FANCA: variants seen among roughly 807,000 people sequenced by gnomAD.
FANCA encodes the protein Fanconi anemia group A protein.
A neutral mutation model predicts 194.3 loss-of-function variants in FANCA; 236 were observed. The observed-to-expected ratio is 1.21, with a 90% CI of 1.09 to 1.35. The LOEUF is 1.35. Among genes scored for constraint, FANCA ranks in the 40% most tolerant of loss-of-function variants. FANCA has a pLI of 0.00. For missense variants in FANCA, 2,628 were observed against 1,813.9 expected, an observed-to-expected ratio of 1.45 and a Z score of -8.15; for synonymous variants, 1,014 against 715.8, an observed-to-expected ratio of 1.42 and a Z score of -6.65.
intron 38 of FANCA, 46 bp from the exon 39 acceptor site, chr16:89,740,145 T>TC: frequency 6.7e-7 from 1 of 1,485,542 alleles, no homozygotes; most frequent in South Asian, 1.1e-5. Context: ...GACCTGGTGC[T>TC]CCCATGGGTA....
intron 14 of FANCA, chr16:89,791,189 TC>T (rs1939961799): frequency 7.9e-6 from 5 of 636,684 alleles, no homozygotes; most frequent in Non-Finnish European, 1.4e-5. Context: ...CCCAGGCTCC[TC>T]GGAACATGCA....
intron 26 of FANCA, among the ~76,000 whole-genome samples, chr16:89,767,741 G>A (rs1426477655): frequency 1.3e-5 from 2 of 152,126 alleles, no homozygotes; most frequent in East Asian, 3.8e-4. Flanking sequence ...GTAGAGATGG[G>A]GTTTCACCGT....
chr16:89,796,313 T>C (rs1467453906), intron 10 of FANCA, among the ~76,000 whole-genome samples: 1 of 151,160 alleles, frequency 6.6e-6, no homozygotes, highest in African/African-American at 2.4e-5. Flanking sequence ...AGGAAACAGG[T>C]TGGGAAGGGC....
intron 13 of FANCA, 63 bp downstream of exon 13, chr16:89,791,864 C>A: frequency 6.2e-7 from 1 of 1,607,142 alleles, no homozygotes; most frequent in South Asian, 1.1e-5. Context: ...TCAGCTGGGA[C>A]TCTGCTGACA....
rs1402509092 is a variant in FANCA, at chr16:89,753,380, T to G, written c.2982-1158A>C. ...CCAGCTGCCTTTTCTCTTATCTCTGTCTTGTGTCTTTATTTCTACACTCTC... is the reference window on the plus strand; with the variant it reads ...CCAGCTGCCTTTTCTCTTATCTCTGGCTTGTGTCTTTATTTCTACACTCTC... On this transcript the variant is annotated intron_variant, in intron 30 of 42. Coordinates refer to ENST00000389301, the MANE Select transcript of FANCA (RefSeq NM_000135.4). Among the ~76,000 whole-genome samples the G allele has an allele frequency of 4.6e-5, 7 of 152,318 alleles. No homozygotes were observed. In the East Asian group the frequency reaches 1.4e-3, roughly 29 times the overall value.
chr16:89,792,213 C>A, intron 12 of FANCA, 145 bp from the exon 13 acceptor site: 1 of 1,024,904 alleles, frequency 9.8e-7, no homozygotes, highest in South Asian at 1.3e-5. Flanking sequence ...ACAGCTCACA[C>A]CGTGGCGTCT....
At position 89,767,191 on chromosome 16, in the gene FANCA, G is replaced by C. The variant is rs1406289451; in HGVS notation, c.2551C>G (p.Gln851Glu). 1.4e-5 allele frequency: 23 copies of C among 1,613,786 alleles called. No individual in the cohort carries two copies. The highest frequency in any genetic ancestry group is 1.9e-5 in the Non-Finnish European group (23 of 1,179,818). Residue 851 changes from glutamine to glutamate, a missense_variant, in exon 27 of 43, where the codon CAG (glutamine) becomes GAG (glutamate). Physicochemically the swap from Gln to Glu is conservative, Grantham distance 29. Coordinates refer to ENST00000389301, the MANE Select transcript of FANCA (RefSeq NM_000135.4). ...CAGCTGCACAAAGTATCTCGTGACT[G>C]GGAAGAAAACTTGCAGAGAGAGTAA... ...ISYSLCKFSS[Q>E]SRDTLCSCLS... is the part of the protein sequence containing the mutation.
At chr16:89,788,446 C>CAA (rs1435441904) in intron 14 of FANCA, among the ~76,000 whole-genome samples, 2 of 151,910 alleles carry the variant, frequency 1.3e-5, no homozygotes, top group Non-Finnish European at 2.9e-5. Flanking sequence ...AAAAACAAAA[C>CAA]AAAACATAAC....
intron 17 of FANCA, among the ~76,000 whole-genome samples, chr16:89,781,399 C>T (rs1202072473): frequency 7.0e-6 from 1 of 142,684 alleles, no homozygotes; most frequent in African/African-American, 2.6e-5. Context: ...ATACGCTGGG[C>T]ACAGTGGCTC....
chr16:89,773,859 G>A (rs901354335), intron 21 of FANCA, among the ~76,000 whole-genome samples: 1 of 148,480 alleles, frequency 6.7e-6, no homozygotes, highest in Non-Finnish European at 1.5e-5. Flanking sequence ...TGTAACCTCC[G>A]CCTCCCGGGT....
chr16:89,792,716 C>CG (rs2040118716), intron 11 of FANCA, 169 bp from the exon 12 acceptor site: 1 of 602,838 alleles, frequency 1.7e-6, no homozygotes, highest in African/African-American at 1.8e-5. Flanking sequence ...CAGCTGGGCC[C>CG]GGGGGACCAC....
In FANCA at chr16:89,810,757, G is replaced by A; in HGVS notation, c.472C>T (p.His158Tyr). 2 of 1,613,494 alleles carry A rather than the reference G, an allele frequency of 1.2e-6. No individual in the cohort carries two copies. The highest frequency in any genetic ancestry group is 2.2e-5 in the South Asian group (2 of 91,068). Residue 158 changes from histidine to tyrosine, a missense_variant, in exon 5 of 43, where the codon CAC (histidine) becomes TAC (tyrosine). Transcript: ENST00000389301. Reference sequence around the variant, plus strand: ...AAGGAAAGACGGGAGAACATACTGTGTGCCAATAAATACTGAGCAAACTCT... The same window carrying A: ...AAGGAAAGACGGGAGAACATACTGTATGCCAATAAATACTGAGCAAACTCT... ...LLEFAQYLLAHSMFSRLSFCQ... is the reference protein window; with the variant it reads ...LLEFAQYLLAYSMFSRLSFCQ...
At position 89,739,177 on chromosome 16, in the gene FANCA, T is replaced by G; in HGVS notation, c.4123A>C (p.Thr1375Pro). 1.2e-6 allele frequency: 2 copies of G among 1,614,164 alleles called. No homozygotes were observed. The highest frequency in any genetic ancestry group is 1.7e-6 in the Non-Finnish European group (2 of 1,180,046). ...VQLFVAGDTS[T>P]VSPPAGRSLE... ...CTCCTGCCAGCTGGAGGTGAAACTG[T>G]GCTTGTATCCCCAGCCACGAAGAGC... The change falls in exon 41 of 43, where the codon ACA becomes CCA. Residue 1375 changes from threonine to proline, a missense_variant. Transcript: ENST00000389301.
At chr16:89,758,836 G>T (rs1023469974) in intron 29 of FANCA, 131 bp from the exon 30 acceptor site, 4 of 1,386,730 alleles carry the variant, frequency 2.9e-6, no homozygotes, top group Non-Finnish European at 4.0e-6. Context: ...GGCGGCTCGG[G>T]ACCTTGGAGT....
intron 10 of FANCA, among the ~76,000 whole-genome samples, chr16:89,796,842 G>A (rs2040264317): frequency 6.6e-6 from 1 of 151,892 alleles, no homozygotes; most frequent in South Asian, 2.1e-4. Context: ...CTAACATGGT[G>A]AAACCCCATC....
chr16:89,780,592 G>A (rs2039666033), intron 17 of FANCA, among the ~76,000 whole-genome samples: 1 of 150,096 alleles, frequency 6.7e-6, no homozygotes, highest in Non-Finnish European at 1.5e-5. Flanking sequence ...CTACCCTACT[G>A]CAGCCTGGGC....
intron 8 of FANCA, among the ~76,000 whole-genome samples, chr16:89,802,942 A>G (rs1403250434): frequency 6.6e-6 from 1 of 152,212 alleles, no homozygotes; most frequent in East Asian, 1.9e-4. Flanking sequence ...GTACAAACAT[A>G]CAGCTAGACA....
rs550700605 is a variant in FANCA, at chr16:89,767,814, C to A, written c.2505-577G>T. On this transcript the variant is annotated intron_variant, in intron 26 of 42. Coordinates refer to ENST00000389301, the MANE Select transcript of FANCA (RefSeq NM_000135.4). The stretch of plus-strand genomic sequence containing the variant: ...CCGCCCACCTCAGCCTCCCAAAATG[C>A]TGGGCTTACAGGCATGAGTCACTGC... Among the ~76,000 whole-genome samples the A allele has an allele frequency of 2.0e-4, 31 of 152,268 alleles. No homozygotes were observed. In the South Asian group the frequency reaches 2.7e-3, roughly 13 times the overall value.
At chr16:89,813,405 C>G (rs577187509) in intron 3 of FANCA, among the ~76,000 whole-genome samples, 2 of 112,798 alleles carry the variant, frequency 1.8e-5, no homozygotes, top group Admixed American at 9.4e-5. Context: ...GAGACCCTGT[C>G]TGTTAAAAAA....
Sources: gnomAD v4.1 joint callset for allele counts (sites outside exome capture counted in the v4.1 genomes callset) on GRCh38, gnomAD v4.1.1 for gene constraint, MANE v1.5 for transcripts, NCBI Gene and HGNC (gene_info 2026-07-23, HGNC 2026-07-21) for gene names.